The following VOPP1 variants were observed in gnomAD, a reference collection of about 807,000 sequenced individuals.
VOPP1 encodes the protein VOPP1 WW domain binding protein.
VOPP1 carries 8 observed loss-of-function variants against 23.5 expected under a neutral mutation model. That is an observed-to-expected ratio of 0.34 (90% confidence interval 0.20 to 0.61). VOPP1 has a LOEUF of 0.61. VOPP1 is among the 20% of genes least tolerant of loss of function. The probability of loss-of-function intolerance (pLI) is 0.78; values close to 1 mark genes in which losing one functional copy is unlikely to be tolerated. For synonymous variants in VOPP1, 83 were observed against 97.3 expected, an observed-to-expected ratio of 0.85 and a Z score of 0.86; for missense variants, 174 against 238.1, an observed-to-expected ratio of 0.73 and a Z score of 1.77.
At chr7:55,529,158 T>A (rs2129045688) in intron 1 of VOPP1, among the ~76,000 whole-genome samples, 1 of 152,154 alleles carries the variant, frequency 6.6e-6, no homozygotes, top group African/African-American at 2.4e-5. Flanking sequence ...GGCTGGCGGA[T>A]CACAAGGTCA....
At chr7:55,439,795 G>A (rs987091308) in intron 4 of VOPP1, among the ~76,000 whole-genome samples, 1 of 152,224 alleles carries the variant, frequency 6.6e-6, no homozygotes. Flanking sequence ...GGAGGCGGAG[G>A]TGCTGGGATT....
chr7:55,484,662 C>CA (rs1322062252), intron 4 of VOPP1, among the ~76,000 whole-genome samples: 1 of 151,836 alleles, frequency 6.6e-6, no homozygotes, highest in Non-Finnish European at 1.5e-5. Flanking sequence ...AGCTAATTAA[C>CA]AAAAAAGAGA....
intron 2 of VOPP1, among the ~76,000 whole-genome samples, chr7:55,520,127 A>AAAT (rs749856009): frequency 8.5e-5 from 13 of 152,058 alleles, no homozygotes; most frequent in East Asian, 1.9e-4. Context: ...ACTCCACCTC[A>AAAT]AATAATAATA....
At chr7:55,555,570 AG>A (rs2129054962) in intron 1 of VOPP1, among the ~76,000 whole-genome samples, 1 of 152,314 alleles carries the variant, frequency 6.6e-6, no homozygotes, top group South Asian at 2.1e-4. Context: ...TCCAGCTCTT[AG>A]TGGTCATGCC....
intron 2 of VOPP1, among the ~76,000 whole-genome samples, chr7:55,498,715 A>G (rs1794157421): frequency 6.6e-6 from 1 of 152,192 alleles, no homozygotes; most frequent in South Asian, 2.1e-4. Flanking sequence ...TATACAATTC[A>G]GCCTAAGGTC....
At chr7:55,505,664 AGGG>A in intron 2 of VOPP1, among the ~76,000 whole-genome samples, 1 of 2,018 alleles carries the variant, frequency 5.0e-4, no homozygotes, top group South Asian at 0.028. Flanking sequence ...GGAGGGAGGG[AGGG>A]AGGGAGGGAG....
chr7:55,442,868 G>C (rs1324482373), intron 4 of VOPP1, among the ~76,000 whole-genome samples: 2 of 152,182 alleles, frequency 1.3e-5, no homozygotes, highest in African/African-American at 2.4e-5. Flanking sequence ...TGTAATCCCA[G>C]CACTTTGGGA....
chr7:55,437,998 G>A (rs1790873655), intron 4 of VOPP1, among the ~76,000 whole-genome samples: 1 of 151,524 alleles, frequency 6.6e-6, no homozygotes, highest in Non-Finnish European at 1.5e-5. Flanking sequence ...AGGTTCAAGT[G>A]ATTCTCATGC....
downstream of VOPP1, among the ~76,000 whole-genome samples, chr7:55,470,458 T>C (rs1160400953): frequency 6.6e-6 from 1 of 152,132 alleles, no homozygotes; most frequent in Admixed American, 6.5e-5. Flanking sequence ...TATCTTACAT[T>C]CTCAAATAAC....
chr7:55,505,968 G>A (rs567836007), intron 2 of VOPP1, among the ~76,000 whole-genome samples: 11 of 152,202 alleles, frequency 7.2e-5, no homozygotes, highest in South Asian at 4.1e-4. Flanking sequence ...CCCGTCTCAC[G>A]GTCCCATAAA....
intron 1 of VOPP1, among the ~76,000 whole-genome samples, chr7:55,565,894 G>C (rs1204639238): frequency 6.6e-6 from 1 of 152,192 alleles, no homozygotes; most frequent in Non-Finnish European, 1.5e-5. Flanking sequence ...AGGACCTGGA[G>C]GGGAACCAAA....
intron 1 of VOPP1, among the ~76,000 whole-genome samples, chr7:55,554,561 A>G (rs1420572235): frequency 6.6e-6 from 1 of 152,212 alleles, no homozygotes; most frequent in African/African-American, 2.4e-5. Flanking sequence ...AACTTTGAGT[A>G]AAAAATTGCA....
rs2129057506 is a variant in VOPP1 at position 55,567,510 on chromosome 7, G to A, written c.54+4761C>T. Among the ~76,000 whole-genome samples, 3 of 152,324 alleles carry A rather than the reference G, an allele frequency of 2.0e-5. No homozygotes were observed. The South Asian group carries it at 6.2e-4, about 32-fold the overall frequency. ...CCTTGCCCTGCAGAGCTAATCAAGTGAGCACTAGCCTAATCCTATCCTTGC... is the reference window on the plus strand; with the variant it reads ...CCTTGCCCTGCAGAGCTAATCAAGTAAGCACTAGCCTAATCCTATCCTTGC... On this transcript the variant is annotated intron_variant, in intron 1 of 4. Coordinates refer to ENST00000285279, the MANE Select transcript of VOPP1 (RefSeq NM_030796.5).
intron 4 of VOPP1, among the ~76,000 whole-genome samples, chr7:55,459,695 T>C (rs768217949): frequency 1.3e-5 from 2 of 152,214 alleles, no homozygotes; most frequent in African/African-American, 4.8e-5. Flanking sequence ...CCTTTGTGTT[T>C]CTGTGGTATC....
intron 4 of VOPP1, among the ~76,000 whole-genome samples, chr7:55,436,764 A>G (rs767428891): frequency 8.5e-5 from 13 of 152,318 alleles, no homozygotes; most frequent in Admixed American, 3.3e-4. Flanking sequence ...ATGCTGCAGG[A>G]GCAAAGATGT....
chr7:55,456,027 C>T (rs535505492), intron 4 of VOPP1, among the ~76,000 whole-genome samples: 10 of 151,828 alleles, frequency 6.6e-5, no homozygotes, highest in East Asian at 1.9e-4. Flanking sequence ...ACCTACAGAA[C>T]GGGAGAAAAT....
intron 1 of VOPP1, among the ~76,000 whole-genome samples, chr7:55,556,866 G>A (rs1797827844): frequency 6.6e-6 from 1 of 152,066 alleles, no homozygotes; most frequent in Non-Finnish European, 1.5e-5. Flanking sequence ...CTTAGACCAG[G>A]TGAAAGAAAA....
chr7:55,491,253 T>G (rs142956679), intron 4 of VOPP1, among the ~76,000 whole-genome samples: 1,773 of 152,328 alleles, frequency 0.012, 12 homozygotes, highest in Middle Eastern at 0.02. Context: ...ACCTACCCTC[T>G]TAGCAAAATT....
intron 2 of VOPP1, among the ~76,000 whole-genome samples, chr7:55,517,981 A>G (rs1227389724): frequency 6.6e-6 from 1 of 152,200 alleles, no homozygotes; most frequent in Non-Finnish European, 1.5e-5. Context: ...CACTGGGTTC[A>G]CTGCTGTGTC....
Sources: gnomAD v4.1 joint callset for allele counts (sites outside exome capture counted in the v4.1 genomes callset) on GRCh38, gnomAD v4.1.1 for gene constraint, MANE v1.5 for transcripts, NCBI Gene and HGNC (gene_info 2026-07-23, HGNC 2026-07-21) for gene names.